The following C4orf50 variants were observed in gnomAD, a reference collection of about 807,000 sequenced individuals.
C4orf50 encodes chromosome 4 open reading frame 50, also known as uncharacterized protein C4orf50.
Under a neutral mutation model 77.2 loss-of-function variants are expected in C4orf50, and 80 were observed. The ratio of observed to expected loss-of-function variants is 1.04; its 90% CI spans 0.87 to 1.25. The LOEUF is 1.25. Among genes scored for constraint, C4orf50 ranks in the 50% most tolerant of loss-of-function variants. C4orf50 has a pLI of 0.00. For missense variants in C4orf50, 1,257 were observed against 1,152.9 expected (o/e 1.09, Z -1.31); for synonymous variants, 532 against 465.3 (o/e 1.14, Z -1.84).
At chr4:5,910,347 T>C (rs765984553) in intron 7 of C4orf50, among the ~76,000 whole-genome samples, 1 of 152,210 alleles carries the variant, frequency 6.6e-6, no homozygotes, top group East Asian at 1.9e-4. Context: ...GCATTTCTCA[T>C]AGGGAATTAA....
chr4:5,945,784 T>G (rs1268365734), intron 7 of C4orf50, among the ~76,000 whole-genome samples: 3 of 152,208 alleles, frequency 2.0e-5, no homozygotes, highest in African/African-American at 7.2e-5. Flanking sequence ...TGGGCTGGGC[T>G]GGACCCTGGG....
intron 7 of C4orf50, among the ~76,000 whole-genome samples, chr4:5,934,177 G>A (rs1279854823): frequency 6.6e-6 from 1 of 152,080 alleles, no homozygotes; most frequent in Non-Finnish European, 1.5e-5. Context: ...CTGGATGGCT[G>A]TAGAGAGTAG....
chr4:5,989,465 A>G, exon 28 of C4orf50: 7 of 1,535,808 alleles, frequency 4.6e-6, no homozygotes, highest in Non-Finnish European at 6.1e-6. Context: ...CAAATACCCC[A>G]ATTTCCCCAA....
intron 33 of C4orf50, among the ~76,000 whole-genome samples, chr4:5,964,776 A>C (rs1719472794): frequency 1.1e-5 from 1 of 87,468 alleles, no homozygotes; most frequent in African/African-American, 2.8e-5. Flanking sequence ...TCAAAAAAAA[A>C]AAAAAAAAAA....
downstream of C4orf50, among the ~76,000 whole-genome samples, chr4:5,955,620 C>G (rs754171009): frequency 1.3e-5 from 2 of 152,158 alleles, no homozygotes; most frequent in Non-Finnish European, 2.9e-5. The surrounding 1 kb of genome is among the most constrained non-coding windows in gnomAD (Gnocchi z 5.1). Flanking sequence ...CTGGCTGAGC[C>G]CAAAGGCCAC....
chr4:5,919,064 A>G lies in C4orf50; in HGVS notation c.*2475-20876T>C, dbSNP rs533647292. Among the ~76,000 whole-genome samples the G allele has an allele frequency of 3.3e-5, 5 of 152,270 alleles. No individual in the cohort carries two copies. The highest frequency in any genetic ancestry group is 2.1e-4 in the South Asian group (1 of 4,818). ...GTGCTTCTCAAGAGAACTTGCTGCT[A>G]TGGCTCCTGGTTGGGACAGACGTGG... is the stretch of plus-strand genomic sequence containing the variant. On this transcript the variant is annotated intron_variant, in intron 7 of 7. Coordinates refer to the C4orf50 transcript ENST00000324058. The surrounding 1 kb of genome is among the most constrained non-coding windows in gnomAD (Gnocchi z 6.5).
intron 7 of C4orf50, among the ~76,000 whole-genome samples, chr4:5,933,424 A>G (rs1366889881): frequency 6.6e-6 from 1 of 151,790 alleles, no homozygotes; most frequent in African/African-American, 2.4e-5. Flanking sequence ...TCCTGCCTCC[A>G]CCTCCCGTCC....
rs1722351542 is a variant in C4orf50 at position 6,008,544 on chromosome 4, C to T, written c.427-12G>A. 2 of 397,786 alleles carry T rather than the reference C, an allele frequency of 5.0e-6. No individual in the cohort carries two copies. The highest frequency in any genetic ancestry group is 8.9e-6 in the Non-Finnish European group (2 of 225,432). The allele number at this position is 397,786 out of a possible 1,614,324, so 24.6% of individuals were successfully genotyped here. A position where few individuals can be genotyped will look rare whatever the true frequency, so the allele number is the denominator to read the frequency against. ...CTCTCCTCCCGGATCTACAAGTTGGCGGTGGATGAGGGCGTCAGCAAGCCC... is the reference window on the plus strand; with the variant it reads ...CTCTCCTCCCGGATCTACAAGTTGGTGGTGGATGAGGGCGTCAGCAAGCCC... On this transcript the variant is annotated splice_polypyrimidine_tract_variant and intron_variant, in intron 24 of 33. Coordinates refer to ENST00000531445, the Ensembl canonical transcript of C4orf50. This position sits in a 1 kb window ranked among gnomAD's most constrained non-coding sequence, Gnocchi z 6.0.
chr4:5,959,306 ACT>A, exon 34 of C4orf50: 1 of 1,517,624 alleles, frequency 6.6e-7, no homozygotes, highest in Non-Finnish European at 8.9e-7. Flanking sequence ...TTCTTAAAGC[ACT>A]CTCTGAAGGT....
intron 25 of C4orf50, among the ~76,000 whole-genome samples, chr4:6,003,683 A>ATGATGGTGATGATAGTGATGGTGATGATG: frequency 7.9e-6 from 1 of 126,208 alleles, no homozygotes. Context: ...GATGATAGTG[A>ATGATGGTGATGATAGTGATGGTGATGATG]TGATGGTGAT....
At chr4:5,907,081 C>T (rs1716581038) in intron 7 of C4orf50, among the ~76,000 whole-genome samples, 1 of 152,172 alleles carries the variant, frequency 6.6e-6, no homozygotes, top group South Asian at 2.1e-4. Flanking sequence ...AGCTCATAAG[C>T]ACCTGGCATC....
At position 6,007,286 on chromosome 4, in the gene C4orf50, C is replaced by T. The variant is rs1239598121; in HGVS notation, c.963+710G>A. 6.6e-6 allele frequency among the ~76,000 whole-genome samples: 1 copy of T among 152,106 alleles called. No homozygotes were observed. Among genetic ancestry groups the T allele is most frequent in the Admixed American group, 6.5e-5 (1 of 15,278 alleles). ...ACCAAATTTATGTGGAAATCCTAATCCTCAATGTGAGGGTGTCAGGTGGTG... is the reference window on the plus strand; with the variant it reads ...ACCAAATTTATGTGGAAATCCTAATTCTCAATGTGAGGGTGTCAGGTGGTG... On this transcript the variant is annotated intron_variant, in intron 25 of 33. Coordinates refer to ENST00000531445, the Ensembl canonical transcript of C4orf50. This position sits in a 1 kb window ranked among gnomAD's most constrained non-coding sequence, Gnocchi z 4.1.
chr4:5,937,671 T>C (rs1718087549), intron 7 of C4orf50, among the ~76,000 whole-genome samples: 1 of 152,172 alleles, frequency 6.6e-6, no homozygotes, highest in Non-Finnish European at 1.5e-5. Flanking sequence ...AATACAGCTA[T>C]ATGCTGTTAA....
chr4:6,003,609 A>ATGGTGG (rs1560597480), intron 25 of C4orf50, among the ~76,000 whole-genome samples: 1 of 75,702 alleles, frequency 1.3e-5, no homozygotes, highest in Non-Finnish European at 2.4e-5. Context: ...GGTGATGGTG[A>ATGGTGG]TGATGGTGAT....
intron 32 of C4orf50, among the ~76,000 whole-genome samples, chr4:5,966,453 C>T (rs143426095): frequency 0.03 from 4,463 of 151,146 alleles, 222 homozygotes; most frequent in African/African-American, 0.1. Context: ...CCAGCGTGGG[C>T]GACAGAGGGA....
Position 5,945,163 on chromosome 4 carries a change from C to T in C4orf50, c.*2474+11738G>A, listed in dbSNP as rs148283278. Among the ~76,000 whole-genome samples the T allele has an allele frequency of 7.5e-3, 1,150 of 152,320 alleles. 20 individuals carry two copies. The highest frequency in any genetic ancestry group is 0.026 in the African/African-American group (1,096 of 41,568). ...TCCTGGGAGGAGGAAGCTCCAGGTC[C>T]TCCGAGCCCCCCAGTCCCCTCTGCA... is the stretch of plus-strand genomic sequence containing the variant. On this transcript the variant is annotated intron_variant, in intron 7 of 7. Transcript: ENST00000324058.
chr4:5,982,537 C>T (rs1320554970), intron 28 of C4orf50, among the ~76,000 whole-genome samples: 1 of 152,144 alleles, frequency 6.6e-6, no homozygotes, highest in Non-Finnish European at 1.5e-5. Flanking sequence ...CTGTGATGAC[C>T]TGAAGGGGGC....
chr4:5,967,126 T>G (rs535208431), intron 32 of C4orf50, among the ~76,000 whole-genome samples: 4 of 152,368 alleles, frequency 2.6e-5, no homozygotes, highest in Admixed American at 2.6e-4. Context: ...AACATGCCTG[T>G]CCACAGAATC....
intron 27 of C4orf50, among the ~76,000 whole-genome samples, chr4:5,991,055 T>C (rs77505402): frequency 0.031 from 4,765 of 152,260 alleles, 109 homozygotes; most frequent in Middle Eastern, 0.058. Flanking sequence ...CCTGGCTCCA[T>C]TCACATCTCA....
Sources: gnomAD v4.1 joint callset for allele counts (sites outside exome capture counted in the v4.1 genomes callset) on GRCh38, gnomAD v4.1.1 for gene constraint, Gnocchi (gnomAD v3.1) non-coding constraint, MANE v1.5 for transcripts, NCBI Gene and HGNC (gene_info 2026-07-23, HGNC 2026-07-21) for gene names.